NCKAP5: variants seen among roughly 807,000 people sequenced by gnomAD.
NCKAP5 encodes nck-associated protein 5.
In NCKAP5, 92 loss-of-function variants were observed where a neutral mutation model predicts 167.0. That is an observed-to-expected ratio of 0.55 (90% CI 0.47 to 0.66). The LOEUF (loss-of-function observed/expected upper bound fraction) is 0.66. NCKAP5 is among the 30% of genes least tolerant of loss of function. NCKAP5 has a pLI of 0.00. For synonymous variants in NCKAP5, 891 were observed against 877.4 expected (o/e 1.02, Z -0.27); for missense variants, 2,378 against 2,315.0 (o/e 1.03, Z -0.56).
At chr2:133,231,961 C>T (rs1022046933) in intron 4 of NCKAP5, among the ~76,000 whole-genome samples, 1 of 152,156 alleles carries the variant, frequency 6.6e-6, no homozygotes, top group African/African-American at 2.4e-5. Context: ...AAAATCACTT[C>T]GCATGTAACT....
At chr2:132,676,837 A>G (rs1025199627) in intron 19 of NCKAP5, among the ~76,000 whole-genome samples, 1 of 152,164 alleles carries the variant, frequency 6.6e-6, no homozygotes, top group Non-Finnish European at 1.5e-5. Context: ...TGCCATTAGT[A>G]TCTCCATTTA....
chr2:133,571,208 T>A (rs1046338620), upstream of NCKAP5, among the ~76,000 whole-genome samples: 7 of 152,206 alleles, frequency 4.6e-5, no homozygotes, highest in Non-Finnish European at 1.0e-4. Flanking sequence ...TTTTTATTTT[T>A]TTTATGGCCC....
chr2:133,553,678 C>G (rs1421864337), intron 2 of NCKAP5, among the ~76,000 whole-genome samples: 2 of 152,060 alleles, frequency 1.3e-5, no homozygotes, highest in African/African-American at 4.8e-5. Flanking sequence ...CCCTAGTCAC[C>G]CTGGAGCAGT....
At chr2:132,725,548 G>A in intron 19 of NCKAP5, 79 bp downstream of exon 19, 1 of 1,466,290 alleles carries the variant, frequency 6.8e-7, no homozygotes, top group Non-Finnish European at 9.1e-7. Flanking sequence ...GAGGGTGGGG[G>A]CCGAGCACAG....
At chr2:132,914,598 G>T (rs919157043) in intron 8 of NCKAP5, among the ~76,000 whole-genome samples, 4 of 151,926 alleles carry the variant, frequency 2.6e-5, no homozygotes, top group Non-Finnish European at 5.9e-5. Context: ...TGGGGGTAGG[G>T]CCAGGAGAGA....
chr2:132,714,317 A>C (rs956447725), intron 19 of NCKAP5, among the ~76,000 whole-genome samples: 1 of 152,212 alleles, frequency 6.6e-6, no homozygotes, highest in Non-Finnish European at 1.5e-5. Context: ...TCTCCCTCTG[A>C]CATCCTCAAC....
chr2:132,819,925 G>T (rs920243756), intron 11 of NCKAP5, among the ~76,000 whole-genome samples: 6 of 152,176 alleles, frequency 3.9e-5, no homozygotes, highest in Admixed American at 1.3e-4. Context: ...CATCTTGAAA[G>T]ATTTGAGCTG....
chr2:133,104,994 C>T (rs75732894), intron 6 of NCKAP5, among the ~76,000 whole-genome samples: 5,294 of 152,294 alleles, frequency 0.035, 307 homozygotes, highest in African/African-American at 0.12. Context: ...CCTGCTCACA[C>T]TCTCTCCCGC....
At position 132,784,107 on chromosome 2, in the gene NCKAP5, C is replaced by T. The variant is rs749095227; in HGVS notation, c.2704G>A (p.Glu902Lys). Residue 902 changes from glutamate (E) to lysine (K), a missense_variant, in exon 14 of 20, where the codon GAG becomes AAG. Around this residue, in one of 3 missense-constraint regions of NCKAP5, gnomAD observed 1,325 missense variants for 1,274.5 expected, o/e 1.04. Coordinates refer to ENST00000409261, the MANE Select transcript of NCKAP5 (RefSeq NM_207363.3). ...TPGSRSRPAI[E>K]SSDSGEPPTR... ...GGGGGCTCTCCACTGTCACTAGACT[C>T]AATGGCAGGCCTTGACCGTGACCCT... is the stretch of plus-strand genomic sequence containing the variant. 4.9e-5 allele frequency: 74 copies of T among 1,521,298 alleles called. No homozygotes were observed. The highest frequency in any genetic ancestry group is 2.4e-4 in the South Asian group (18 of 75,218). The allele number at this position is 1,521,298 out of a possible 1,614,324, so 94.2% of individuals were successfully genotyped here. A position where few individuals can be genotyped will look rare whatever the true frequency, so the allele number is the denominator to read the frequency against.
chr2:132,791,721 C>T (rs1340688469), intron 12 of NCKAP5, among the ~76,000 whole-genome samples: 8 of 152,206 alleles, frequency 5.3e-5, no homozygotes, highest in Non-Finnish European at 1.0e-4. Flanking sequence ...TATCACCATT[C>T]TCCAAATGCA....
the NCKAP5 span, among the ~76,000 whole-genome samples, chr2:133,630,491 G>A: frequency 6.6e-6 from 1 of 152,106 alleles, no homozygotes; most frequent in African/African-American, 2.4e-5. Context: ...GCTAACGTGT[G>A]CAGGGCTCAA....
intron 3 of NCKAP5, among the ~76,000 whole-genome samples, chr2:133,316,641 T>G (rs920568352): frequency 2.6e-5 from 4 of 152,192 alleles, no homozygotes; most frequent in African/African-American, 9.7e-5. Context: ...TTCTTACTTA[T>G]GGGCACTGAA....
rs574778300 is a variant in NCKAP5 at position 132,698,931 on chromosome 2, G to A, written c.5714-25626C>T. ...AAACTCTGGGTTAAGGCCCAGCAAT[G>A]TATGTTGTAACAAGCCTTCCAGGTA... On this transcript the variant is annotated intron_variant, in intron 19 of 19. Transcript: ENST00000409261. 3.3e-5 allele frequency among the ~76,000 whole-genome samples: 5 copies of A among 152,240 alleles called. No individual in the cohort carries two copies. The South Asian group carries it at 1.0e-3, about 32-fold the overall frequency.
the NCKAP5 span, among the ~76,000 whole-genome samples, chr2:133,591,250 A>T: frequency 6.6e-6 from 1 of 152,226 alleles, no homozygotes; most frequent in Admixed American, 6.5e-5. Flanking sequence ...AAGAGCCCAA[A>T]TAAACAGTGA....
chr2:133,603,658 C>G, the NCKAP5 span, among the ~76,000 whole-genome samples: 11 of 152,212 alleles, frequency 7.2e-5, no homozygotes, highest in African/African-American at 2.7e-4. Context: ...CCTGCCTCAG[C>G]CTCCCCAGTA....
At chr2:133,653,371 G>T in the NCKAP5 span, among the ~76,000 whole-genome samples, 1 of 152,118 alleles carries the variant, frequency 6.6e-6, no homozygotes, top group African/African-American at 2.4e-5. Context: ...AAATGGGAAG[G>T]TTCTTCAAAA....
chr2:132,706,996 C>T (rs1688421025), intron 19 of NCKAP5, among the ~76,000 whole-genome samples: 1 of 152,196 alleles, frequency 6.6e-6, no homozygotes, highest in Non-Finnish European at 1.5e-5. Context: ...CCATTGTCCT[C>T]CCCGCAGGAA....
At chr2:132,954,727 T>A (rs2076290379) in intron 8 of NCKAP5, 1 of 450,392 alleles carries the variant, frequency 2.2e-6, no homozygotes, top group Non-Finnish European at 4.5e-6. Flanking sequence ...ACTAGAAATA[T>A]ATATGCTGAA....
chr2:133,120,738 T>C (rs1013615565), intron 6 of NCKAP5, among the ~76,000 whole-genome samples: 1 of 152,160 alleles, frequency 6.6e-6, no homozygotes, highest in South Asian at 2.1e-4. Context: ...GTCTTCATCC[T>C]CCCAGGCCAT....
Sources: gnomAD v4.1 joint callset for allele counts (sites outside exome capture counted in the v4.1 genomes callset) on GRCh38, gnomAD v4.1.1 for gene constraint, gnomAD v4.1.1 regional missense constraint, MANE v1.5 for transcripts, NCBI Gene and HGNC (gene_info 2026-07-23, HGNC 2026-07-21) for gene names.